NRP2: variants seen among roughly 807,000 people sequenced by gnomAD.
NRP2 encodes the protein neuropilin-2.
A neutral mutation model predicts 110.4 loss-of-function variants in NRP2; 52 were observed. That is an observed-to-expected ratio of 0.47 (90% CI 0.38 to 0.59). The LOEUF (loss-of-function observed/expected upper bound fraction) is 0.59, where lower values mean the gene tolerates loss of function less well. NRP2 is among the 20% of genes least tolerant of loss of function. NRP2 has a pLI of 0.00. For missense variants in NRP2, 1,049 were observed against 1,203.0 expected, an observed-to-expected ratio of 0.87 and a Z score of 1.89; for synonymous variants, 508 against 468.9, an observed-to-expected ratio of 1.08 and a Z score of -1.08.
intron 16 of NRP2, among the ~76,000 whole-genome samples, chr2:205,792,994 T>A (rs527318284): frequency 6.6e-6 from 1 of 152,174 alleles, no homozygotes; most frequent in African/African-American, 2.4e-5. Context: ...TAGACTAAGA[T>A]TGATGAATTT....
At chr2:205,712,654 G>A (rs938969115) in intron 2 of NRP2, among the ~76,000 whole-genome samples, 2 of 152,180 alleles carry the variant, frequency 1.3e-5, no homozygotes, top group Non-Finnish European at 2.9e-5. Context: ...CAGTCACACA[G>A]GAGGTAAATG....
chr2:205,699,205 T>C (rs2056501526), intron 2 of NRP2, among the ~76,000 whole-genome samples: 1 of 152,242 alleles, frequency 6.6e-6, no homozygotes, highest in African/African-American at 2.4e-5. Flanking sequence ...ATGAGTACCC[T>C]GGATACATTT....
rs1208632765 is a variant in NRP2 at position 205,796,734 on chromosome 2, G to A, written c.*1676G>A. The A allele has an allele frequency of 6.6e-6, 1 of 152,626 alleles. No individual in the cohort carries two copies. The highest frequency in any genetic ancestry group is 2.4e-5 in the African/African-American group (1 of 41,450). 9.5% of individuals were successfully genotyped at this position (152,626 alleles called of 1,614,324 possible). A position where few individuals can be genotyped will look rare whatever the true frequency, so the allele number is the denominator to read the frequency against. On this transcript the variant is annotated 3_prime_UTR_variant, in exon 17 of 17. Transcript: ENST00000357785. Reference sequence around the variant, plus strand: ...ATGAAACTGTGTGAAGGATAAGATTGTTCGCATCAAGATCCAAATCTTGAT... The same window carrying A: ...ATGAAACTGTGTGAAGGATAAGATTATTCGCATCAAGATCCAAATCTTGAT...
chr2:205,755,496 C>T (rs571021138), intron 12 of NRP2, among the ~76,000 whole-genome samples: 2 of 151,976 alleles, frequency 1.3e-5, no homozygotes, highest in African/African-American at 4.8e-5. Context: ...CTTTATGAAC[C>T]GTTCTCTGTA....
rs2058350306 is a variant in NRP2, at chr2:205,796,188, G to A, written c.*1130G>A. The A allele has an allele frequency of 6.6e-6, 1 of 152,228 alleles. No homozygotes were observed. Among genetic ancestry groups the A allele is most frequent in the Non-Finnish European group, 1.5e-5 (1 of 68,042 alleles). The allele number at this position is 152,228 out of a possible 1,614,324, so 9.4% of individuals were successfully genotyped here. ...ATCATATGAGGGCCAAGGCTGAGCA[G>A]TGTAGACAGAGACCCTTTGAAATGC... On this transcript the variant is annotated 3_prime_UTR_variant, in exon 17 of 17. Transcript: ENST00000357785.
At chr2:205,758,068 T>C (rs2057761994) in intron 12 of NRP2, among the ~76,000 whole-genome samples, 1 of 152,168 alleles carries the variant, frequency 6.6e-6, no homozygotes, top group African/African-American at 2.4e-5. Context: ...ACTGAAACCT[T>C]CATGTCCACA....
At chr2:205,776,303 T>A in intron 15 of NRP2, 1 of 1,613,256 alleles carries the variant, frequency 6.2e-7, no homozygotes, top group Non-Finnish European at 8.5e-7. Context: ...ATGCAGCCCA[T>A]CCCAGCCTAC....
intron 7 of NRP2, among the ~76,000 whole-genome samples, chr2:205,732,945 T>C (rs2057269063): frequency 6.6e-6 from 1 of 152,182 alleles, no homozygotes; most frequent in Admixed American, 6.5e-5. Context: ...ATTTTGTTTG[T>C]TGAATATGAG....
chr2:205,722,319 CG>C, intron 3 of NRP2, 158 bp from the exon 4 acceptor site: 1 of 685,570 alleles, frequency 1.5e-6, no homozygotes, highest in Non-Finnish European at 2.6e-6. Context: ...GGGCTTGAAA[CG>C]TGCATGTGAA....
At chr2:205,701,389 A>T (rs1441955412) in intron 2 of NRP2, 4 of 152,174 alleles carry the variant, frequency 2.6e-5, no homozygotes, top group Admixed American at 2.6e-4. Flanking sequence ...TACAAAAAAA[A>T]TTAGCCAAGC....
chr2:205,690,413 C>A (rs935095567), intron 1 of NRP2, among the ~76,000 whole-genome samples: 2 of 152,002 alleles, frequency 1.3e-5, no homozygotes, highest in Non-Finnish European at 2.9e-5. Context: ...GGGGACAAAA[C>A]CCCTGAGATA....
chr2:205,722,311 G>A, intron 3 of NRP2, 167 bp from the exon 4 acceptor site: 1 of 677,836 alleles, frequency 1.5e-6, no homozygotes, highest in East Asian at 2.7e-5. Context: ...ATTTATGAGG[G>A]CTTGAAACGT....
intron 11 of NRP2, 118 bp from the exon 12 acceptor site, chr2:205,752,717 G>T: frequency 2.8e-6 from 3 of 1,069,146 alleles, no homozygotes; most frequent in African/African-American, 1.6e-5. Flanking sequence ...AGCAAAGGAA[G>T]CCACTTCTTT....
At chr2:205,758,448 C>G (rs1408478982) in intron 12 of NRP2, among the ~76,000 whole-genome samples, 1 of 152,208 alleles carries the variant, frequency 6.6e-6, no homozygotes. Flanking sequence ...CACGTGTTCA[C>G]ATGACACTTA....
At chr2:205,751,552 T>C (rs1431925308) in intron 11 of NRP2, among the ~76,000 whole-genome samples, 1 of 152,170 alleles carries the variant, frequency 6.6e-6, no homozygotes, top group Non-Finnish European at 1.5e-5. Context: ...TCTTCTAAAC[T>C]CAAGCTGACT....
intron 7 of NRP2, among the ~76,000 whole-genome samples, chr2:205,729,610 G>A (rs1389455431): frequency 6.6e-6 from 1 of 152,218 alleles, no homozygotes; most frequent in Admixed American, 6.5e-5. Flanking sequence ...CAGGCGCAAT[G>A]ACTAAGCAGC....
At chr2:205,765,731 G>A (rs757159187) in intron 14 of NRP2, 161 bp downstream of exon 14, 1 of 763,010 alleles carries the variant, frequency 1.3e-6, no homozygotes, top group East Asian at 2.5e-5. Context: ...TGTGTCTTAG[G>A]CTGGGTTCAG....
At chr2:205,787,860 G>A (rs774303005) in intron 15 of NRP2, among the ~76,000 whole-genome samples, 15 of 152,150 alleles carry the variant, frequency 9.9e-5, no homozygotes, top group Non-Finnish European at 2.1e-4. Flanking sequence ...GCAGGTTGGA[G>A]TGTCTTGGGG....
chr2:205,755,643 G>A (rs1202280002), intron 12 of NRP2, among the ~76,000 whole-genome samples: 3 of 152,066 alleles, frequency 2.0e-5, no homozygotes, highest in Non-Finnish European at 4.4e-5. Flanking sequence ...GCCCTGAGGG[G>A]ATTGGGGAGA....
Sources: allele counts gnomAD v4.1 joint callset (sites outside exome capture counted in the v4.1 genomes callset), GRCh38; gene constraint gnomAD v4.1.1; transcripts MANE v1.5; gene names NCBI Gene and HGNC (gene_info 2026-07-23, HGNC 2026-07-21).